DRAM1: variants seen among roughly 807,000 people sequenced by gnomAD.
The protein encoded by DRAM1 is DNA damage-regulated autophagy modulator protein 1.
DRAM1 carries 25 observed loss-of-function variants against 28.5 expected under a neutral mutation model. The observed-to-expected ratio is 0.88, with a 90% CI of 0.64 to 1.23. The LOEUF (loss-of-function observed/expected upper bound fraction) is 1.23, where lower values mean the gene tolerates loss of function less well. Among genes scored for constraint, DRAM1 ranks in the 50% most tolerant of loss-of-function variants. The pLI is 0.00. For missense variants in DRAM1, 249 were observed against 299.2 expected, an observed-to-expected ratio of 0.83 and a Z score of 1.24; for synonymous variants, 113 against 114.2, an observed-to-expected ratio of 0.99 and a Z score of 0.07.
At chr12:101,897,763 C>T in intron 1 of DRAM1, 100 bp from the exon 2 acceptor site, 2 of 817,186 alleles carry the variant, frequency 2.4e-6, no homozygotes, top group Non-Finnish European at 4.1e-6. Context: ...TGGCTGAACA[C>T]CTAAAAGAAA....
At chr12:101,908,808 T>G (rs1873921562) in intron 4 of DRAM1, among the ~76,000 whole-genome samples, 2 of 151,096 alleles carry the variant, frequency 1.3e-5, no homozygotes, top group African/African-American at 4.9e-5. Context: ...TAGGAGAAGT[T>G]TCAGGGGCTT....
chr12:101,894,941 T>C (rs1235928617), intron 1 of DRAM1, among the ~76,000 whole-genome samples: 1 of 152,178 alleles, frequency 6.6e-6, no homozygotes, highest in African/African-American at 2.4e-5. Flanking sequence ...ACCTGGTGCC[T>C]GCTTTTTTAT....
At chr12:101,909,642 C>A (rs1329117649) in intron 4 of DRAM1, among the ~76,000 whole-genome samples, 1 of 152,112 alleles carries the variant, frequency 6.6e-6, no homozygotes, top group African/African-American at 2.4e-5. Flanking sequence ...TTAGCCTTTT[C>A]TTTTTATAGT....
intron 2 of DRAM1, among the ~76,000 whole-genome samples, chr12:101,900,808 A>G (rs1305992879): frequency 6.6e-6 from 1 of 152,152 alleles, no homozygotes; most frequent in African/African-American, 2.4e-5. Flanking sequence ...TCTTTCAGAA[A>G]CCCAAAGATT....
intron 6 of DRAM1, 81 bp from the exon 7 acceptor site, chr12:101,921,135 G>A (rs1874465809): frequency 1.4e-5 from 14 of 983,874 alleles, no homozygotes; most frequent in Non-Finnish European, 2.0e-5. Context: ...CTTAGGTGGT[G>A]CAGAGCTGTT....
rs1472358347 is a variant in DRAM1 at position 101,887,161 on chromosome 12, A to G, written c.131+9241A>G. Among the ~76,000 whole-genome samples, 8 of 151,604 alleles carry G rather than the reference A, an allele frequency of 5.3e-5. No individual in the cohort carries two copies. The South Asian group carries it at 1.3e-3, about 24-fold the overall frequency. ...ACTCCGTTTCAAAAAAAAAAAAAAA[A>G]TTGGTTAAATGCTTTGGAAAGATTA... On this transcript the variant is annotated intron_variant, in intron 1 of 6. Coordinates refer to ENST00000258534, the MANE Select transcript of DRAM1 (RefSeq NM_018370.3).
chr12:101,912,020 G>A (rs1229809429), intron 4 of DRAM1, among the ~76,000 whole-genome samples: 1 of 152,094 alleles, frequency 6.6e-6, no homozygotes, highest in Non-Finnish European at 1.5e-5. Context: ...CTAACGTGGT[G>A]AAACCCCATC....
intron 3 of DRAM1, among the ~76,000 whole-genome samples, chr12:101,904,226 A>G (rs1163262615): frequency 3.3e-5 from 5 of 151,906 alleles, no homozygotes; most frequent in Admixed American, 2.6e-4. Context: ...TCCTGACCTC[A>G]GGTGATCCTC....
chr12:101,911,319 G>A (rs908628531), intron 4 of DRAM1, among the ~76,000 whole-genome samples: 4 of 152,162 alleles, frequency 2.6e-5, no homozygotes, highest in South Asian at 2.1e-4. Context: ...TTTGACTACC[G>A]AAGAAACCGA....
In DRAM1 at chr12:101,897,876, A is replaced by G. The variant is rs1435965432; in HGVS notation, c.145A>G (p.Thr49Ala). 1 of 1,610,832 alleles carries G rather than the reference A, an allele frequency of 6.2e-7. No homozygotes were observed. The highest frequency in any genetic ancestry group is 2.2e-5 in the East Asian group (1 of 44,796). Residue 49 changes from threonine (T) to alanine (A), a missense_variant, in exon 2 of 7, where the codon ACA becomes GCA. Transcript: ENST00000258534. ...TCCCTTTGCCAGTGATACGGGAACA[A>G]CACCTCCAGAGAGTGGTATTTTTGG... ...FLPYISDTGT[T>A]PPESGIFGFM...
intron 1 of DRAM1, among the ~76,000 whole-genome samples, chr12:101,885,676 G>A (rs547401751): frequency 1.3e-5 from 2 of 151,852 alleles, no homozygotes; most frequent in East Asian, 1.9e-4. Flanking sequence ...ACAGGTGCCC[G>A]CCACCATGCC....
At chr12:101,911,162 G>A (rs1874027347) in intron 4 of DRAM1, among the ~76,000 whole-genome samples, 1 of 152,144 alleles carries the variant, frequency 6.6e-6, no homozygotes, top group African/African-American at 2.4e-5. Flanking sequence ...CTTGAACCAG[G>A]AGTGGGAGGT....
At chr12:101,904,926 G>A (rs562841176) in intron 3 of DRAM1, among the ~76,000 whole-genome samples, 30 of 152,222 alleles carry the variant, frequency 2.0e-4, no homozygotes, top group Middle Eastern at 3.4e-3. Flanking sequence ...AAAGGGTCTC[G>A]CTCCTTCACC....
intron 3 of DRAM1, 78 bp downstream of exon 3, chr12:101,901,511 C>T: frequency 1.3e-6 from 2 of 1,500,654 alleles, no homozygotes; most frequent in Non-Finnish European, 1.8e-6. Flanking sequence ...ATGCAAGAGG[C>T]ACACTTATGC....
At chr12:101,902,677 T>G (rs74890206) in intron 3 of DRAM1, among the ~76,000 whole-genome samples, 12,669 of 152,218 alleles carry the variant, frequency 0.083, 730 homozygotes, top group East Asian at 0.24. Context: ...GTTAAATAAT[T>G]TCAACTTTTG....
rs1333485205 is a variant in DRAM1, at chr12:101,922,710, G to A, written c.*1450G>A. 2 of 152,206 alleles carry A rather than the reference G, an allele frequency of 1.3e-5. No individual in the cohort carries two copies. Among genetic ancestry groups the A allele is most frequent in the Non-Finnish European group, 2.9e-5 (2 of 68,038 alleles). The allele number at this position is 152,206 out of a possible 1,614,324, so 9.4% of individuals were successfully genotyped here. ...AAGTAGAGAAATCTGGCAATAAAAGGCAAATGTAAGCATGCTTTCTTTAAG... is the reference window on the plus strand; with the variant it reads ...AAGTAGAGAAATCTGGCAATAAAAGACAAATGTAAGCATGCTTTCTTTAAG... On this transcript the variant is annotated 3_prime_UTR_variant, in exon 7 of 7. Coordinates refer to ENST00000258534, the MANE Select transcript of DRAM1 (RefSeq NM_018370.3).
chr12:101,892,179 G>GGAAAGA (rs1382967342), intron 1 of DRAM1, among the ~76,000 whole-genome samples: 2 of 151,352 alleles, frequency 1.3e-5, no homozygotes, highest in African/African-American at 2.4e-5. Flanking sequence ...AATCAGACGT[G>GGAAAGA]GAAAGACATA....
intron 3 of DRAM1, among the ~76,000 whole-genome samples, chr12:101,907,589 AT>A (rs1244292171): frequency 6.6e-6 from 1 of 151,502 alleles, no homozygotes; most frequent in Non-Finnish European, 1.5e-5. Context: ...AAATACAAAA[AT>A]TAGCCGGGCG....
At chr12:101,918,424 A>C (rs1381799899) in intron 5 of DRAM1, among the ~76,000 whole-genome samples, 2 of 152,180 alleles carry the variant, frequency 1.3e-5, no homozygotes, top group African/African-American at 2.4e-5. Context: ...TGGTACTGGT[A>C]CCAGAAGGAG....
Sources: gnomAD v4.1 joint callset for allele counts (sites outside exome capture counted in the v4.1 genomes callset) on GRCh38, gnomAD v4.1.1 for gene constraint, MANE v1.5 for transcripts, NCBI Gene and HGNC (gene_info 2026-07-23, HGNC 2026-07-21) for gene names.